Variants in GALK1 observed in about 807,000 individuals in gnomAD.
GALK1 encodes the protein galactokinase.
Under a neutral mutation model 38.6 loss-of-function variants are expected in GALK1, and 30 were observed. That is an observed-to-expected ratio of 0.78 (90% CI 0.58 to 1.05). The LOEUF is 1.05. Among genes scored for constraint, GALK1 ranks in the 50% least tolerant of loss-of-function variants. GALK1 has a pLI of 0.00. For synonymous variants in GALK1, 240 were observed against 233.6 expected (o/e 1.03, Z -0.25); for missense variants, 512 against 540.5 (o/e 0.95, Z 0.52).
chr17:75,761,612 A>C (rs1267946981), intron 5 of GALK1, among the ~76,000 whole-genome samples: 1 of 135,096 alleles, frequency 7.4e-6, no homozygotes, highest in Admixed American at 7.8e-5. Context: ...GCAAGCCTCC[A>C]CCTCACCAAA....
intron 4 of GALK1, 37 bp downstream of exon 4, chr17:75,762,977 G>A: frequency 6.2e-7 from 1 of 1,612,130 alleles, no homozygotes; most frequent in Non-Finnish European, 8.5e-7. Flanking sequence ...GAGCTGCTGA[G>A]TGCAGGGCGG....
At chr17:75,764,861 C>T in intron 1 of GALK1, 111 bp downstream of exon 1, 2 of 1,223,580 alleles carry the variant, frequency 1.6e-6, no homozygotes, top group Non-Finnish European at 2.3e-6. Flanking sequence ...CGCAGCTGCC[C>T]GCCCCACATC....
At chr17:75,764,410 C>A (rs756937597) in intron 1 of GALK1, 1 of 606,328 alleles carries the variant, frequency 1.6e-6, no homozygotes, top group Non-Finnish European at 3.2e-6. Flanking sequence ...TGGCTCTGGA[C>A]ATCCTGTACC....
intron 8 of GALK1, chr17:75,752,227 C>T: frequency 6.2e-7 from 1 of 1,613,890 alleles, no homozygotes; most frequent in South Asian, 1.1e-5. Context: ...GAACCGGATG[C>T]TGCTTATTGA....
rs1271715351 is a variant in GALK1 at position 75,752,289 on chromosome 17, G to A, written c.*23-552C>T. The A allele has an allele frequency of 2.5e-6, 4 of 1,613,340 alleles. No homozygotes were observed. The highest frequency in any genetic ancestry group is 1.7e-5 in the Admixed American group (1 of 60,038). On this transcript the variant is annotated intron_variant, in intron 8 of 8. Coordinates refer to the GALK1 transcript ENST00000225614. ...GCTACACGGTGAAGGCGCGCAACGG[G>A]GCCGGCTGGGGGCCTGAGCGGGAGG... is the stretch of plus-strand genomic sequence containing the variant.
At chr17:75,753,053 T>A (rs2061404425), downstream of GALK1, among the ~76,000 whole-genome samples, 1 of 152,266 alleles carries the variant, frequency 6.6e-6, no homozygotes, top group African/African-American at 2.4e-5. Flanking sequence ...CAGTGTCAGC[T>A]GTGGCTCCAC....
downstream of GALK1, chr17:75,753,628 C>G (rs1042977634): frequency 9.6e-6 from 5 of 520,886 alleles, no homozygotes; most frequent in African/African-American, 7.9e-5. Context: ...GCATCTACCC[C>G]CGCCCCCAAC....
chr17:75,765,071 C>T lies in GALK1; in HGVS notation c.66G>A (p.Glu22=), dbSNP rs367558510. 677 of 1,600,492 alleles carry T rather than the reference C, an allele frequency of 4.2e-4. No homozygotes were observed. The highest frequency in any genetic ancestry group is 5.3e-4 in the Non-Finnish European group (620 of 1,174,614). The change falls in exon 1 of 8, where the codon GAG becomes GAA. Residue 22 remains glutamate, a synonymous_variant. Coordinates refer to ENST00000588479, the MANE Select transcript of GALK1 (RefSeq NM_000154.2). ...LLAEARRAFR[E]EFGAEPELAV... ...CCAGCTCGGGCTCGGCCCCGAACTC[C>T]TCCCGGAAGGCTCGCCGGGCCTCGG... is the stretch of plus-strand genomic sequence containing the variant.
Position 75,758,028 on chromosome 17 carries a change from C to A in GALK1, c.*28G>T, listed in dbSNP as rs1021009749. ...TGGGACTGGCCTGCAGGCCCCGCAC[C>A]CTCACCGTGTGCTGTCCTGGGGGTG... On this transcript the variant is annotated 3_prime_UTR_variant, in exon 8 of 8. Transcript: ENST00000588479. 1 of 1,611,750 alleles carries A rather than the reference C, an allele frequency of 6.2e-7. No homozygotes were observed. The highest frequency in any genetic ancestry group is 8.5e-7 in the Non-Finnish European group (1 of 1,179,362).
rs1382481030 is a variant in GALK1, at chr17:75,758,017, A to G, written c.*39T>C. The G allele has an allele frequency of 6.2e-7, 1 of 1,608,228 alleles. No homozygotes were observed. Among genetic ancestry groups the G allele is most frequent in the African/African-American group, 1.3e-5 (1 of 74,948 alleles). On this transcript the variant is annotated 3_prime_UTR_variant, in exon 8 of 8. Transcript: ENST00000588479. ...GCACAGAGCCGTGGGACTGGCCTGCAGGCCCCGCACCCTCACCGTGTGCTG... is the reference window on the plus strand; with the variant it reads ...GCACAGAGCCGTGGGACTGGCCTGCGGGCCCCGCACCCTCACCGTGTGCTG...
At chr17:75,760,905 T>C (rs575679774) in intron 5 of GALK1, among the ~76,000 whole-genome samples, 7 of 151,916 alleles carry the variant, frequency 4.6e-5, no homozygotes, top group East Asian at 2.0e-4. Flanking sequence ...CCCATCTCTT[T>C]AAAAAATAAA....
chr17:75,764,733 G>A (rs1404245617), intron 1 of GALK1: 4 of 620,076 alleles, frequency 6.5e-6, no homozygotes, highest in African/African-American at 3.7e-5. Flanking sequence ...AGCCCCCAGA[G>A]GGCGGGCTTG....
intron 1 of GALK1, chr17:75,764,382 AG>A (rs752140634): frequency 1.5e-6 from 1 of 658,598 alleles, no homozygotes; most frequent in Non-Finnish European, 2.9e-6. Context: ...GGAGCTCCAA[AG>A]CCTTTACATT....
rs1459065489 is a variant in GALK1, at chr17:75,763,880, A to T, written c.355+17T>A. Reference sequence around the variant, plus strand: ...CCTAGTATCAGTGAGGACTTGGCTCAGGCCTGGGCCCCATACCTGGGTAGT... The same window carrying T: ...CCTAGTATCAGTGAGGACTTGGCTCTGGCCTGGGCCCCATACCTGGGTAGT... On this transcript the variant is annotated intron_variant, in intron 2 of 7. Coordinates refer to ENST00000588479, the MANE Select transcript of GALK1 (RefSeq NM_000154.2). 1 of 1,612,476 alleles carries T rather than the reference A, an allele frequency of 6.2e-7. No homozygotes were observed. The highest frequency in any genetic ancestry group is 8.5e-7 in the Non-Finnish European group (1 of 1,179,102).
downstream of GALK1, chr17:75,756,790 G>A (rs1324166870): frequency 3.1e-6 from 5 of 1,612,718 alleles, no homozygotes; most frequent in Non-Finnish European, 3.4e-6. Flanking sequence ...GCTGAGCTGG[G>A]AGCGGCCACG....
At chr17:75,753,901 GC>G (rs1317260348), downstream of GALK1, 12 of 1,294,520 alleles carry the variant, frequency 9.3e-6, no homozygotes, top group South Asian at 5.1e-5. Flanking sequence ...CGCCCCACGG[GC>G]CCCCGGACGA....
At chr17:75,758,933 C>CT (rs1249643785) in intron 5 of GALK1, among the ~76,000 whole-genome samples, 1 of 152,088 alleles carries the variant, frequency 6.6e-6, no homozygotes, top group African/African-American at 2.4e-5. Flanking sequence ...GCCTCCAGGG[C>CT]TGGGGCTCCA....
At chr17:75,756,996 G>A (rs149353166), downstream of GALK1, 47 of 1,612,746 alleles carry the variant, frequency 2.9e-5, no homozygotes, top group African/African-American at 5.3e-5. Context: ...CCGGCTGACC[G>A]TGCCGGGCCT....
chr17:75,754,796 C>T, downstream of GALK1: 2 of 1,614,168 alleles, frequency 1.2e-6, no homozygotes, highest in Non-Finnish European at 1.7e-6. Flanking sequence ...ACTCCACCCT[C>T]ACCTCCGTCT....
Sources: gnomAD v4.1 joint callset for allele counts (sites outside exome capture counted in the v4.1 genomes callset) on GRCh38, gnomAD v4.1.1 for gene constraint, MANE v1.5 for transcripts, NCBI Gene and HGNC (gene_info 2026-07-23, HGNC 2026-07-21) for gene names.